Variants in SNTG2 observed in about 807,000 individuals in gnomAD.
The protein encoded by SNTG2 is gamma-2-syntrophin.
SNTG2 carries 74 observed loss-of-function variants against 70.9 expected under a neutral mutation model. That is an observed-to-expected ratio of 1.04 (90% CI 0.86 to 1.27). The LOEUF (loss-of-function observed/expected upper bound fraction) is 1.27, where lower values mean the gene tolerates loss of function less well. Among genes scored for constraint, SNTG2 ranks in the 50% most tolerant of loss-of-function variants. The pLI is 0.00. For missense variants in SNTG2, 717 were observed against 690.7 expected, an observed-to-expected ratio of 1.04 and a Z score of -0.43; for synonymous variants, 278 against 273.8, an observed-to-expected ratio of 1.02 and a Z score of -0.15.
intron 2 of SNTG2, 23 bp downstream of exon 2, chr2:1,083,678 A>C (rs1664496284): frequency 6.2e-7 from 1 of 1,612,916 alleles, no homozygotes; most frequent in Admixed American, 1.7e-5. Flanking sequence ...ACTTCAGGGA[A>C]GTCTTGGAGT....
chr2:1,285,324 T>G (rs1042511465), intron 14 of SNTG2, among the ~76,000 whole-genome samples: 9 of 152,174 alleles, frequency 5.9e-5, no homozygotes, highest in Non-Finnish European at 8.8e-5. Flanking sequence ...TTTTGCATCC[T>G]TCAATCCAAT....
intron 1 of SNTG2, among the ~76,000 whole-genome samples, chr2:1,068,873 A>T (rs745397551): frequency 6.6e-6 from 1 of 152,248 alleles, no homozygotes; most frequent in Non-Finnish European, 1.5e-5. Flanking sequence ...ATTCAGAGAA[A>T]TGTCACTTAT....
chr2:1,047,066 T>G (rs1277800751), intron 1 of SNTG2, among the ~76,000 whole-genome samples: 3 of 152,218 alleles, frequency 2.0e-5, no homozygotes, highest in Non-Finnish European at 4.4e-5. Context: ...TTTTCTTTAT[T>G]CTGGTCTAAC....
chr2:1,213,079 C>A (rs1381532255), intron 9 of SNTG2, among the ~76,000 whole-genome samples: 3 of 152,208 alleles, frequency 2.0e-5, no homozygotes, highest in African/African-American at 7.2e-5. Flanking sequence ...CCACTACCTT[C>A]TGGGTCCTTT....
intron 14 of SNTG2, among the ~76,000 whole-genome samples, chr2:1,270,665 A>G (rs957702303): frequency 1.4e-4 from 21 of 152,194 alleles, no homozygotes; most frequent in Admixed American, 1.1e-3. Flanking sequence ...AGGTGCCTAG[A>G]ACAGTCCCCG....
At chr2:1,165,180 T>C (rs1670623174) in intron 6 of SNTG2, among the ~76,000 whole-genome samples, 1 of 152,218 alleles carries the variant, frequency 6.6e-6, no homozygotes. Flanking sequence ...AGTTAATCCA[T>C]GTTTTGCCAG....
intron 1 of SNTG2, among the ~76,000 whole-genome samples, chr2:1,012,690 G>A (rs1659770130): frequency 8.5e-6 from 1 of 116,978 alleles, no homozygotes; most frequent in African/African-American, 2.9e-5. Flanking sequence ...GTCTGGAGAA[G>A]GATTTATATG....
rs201438117 is a variant in SNTG2 at position 1,209,123 on chromosome 2, G to A, written c.612G>A (p.Ser204=). 196 of 1,613,766 alleles carry A rather than the reference G, an allele frequency of 1.2e-4. No homozygotes were observed. The Middle Eastern group carries it at 3.5e-3, about 29-fold the overall frequency. Residue 204 remains serine, a synonymous_variant, in exon 9 of 17, where the codon TCG becomes TCA. Transcript: ENST00000308624. ...SSTTAPSSPS[S]PIAKDPRYEK... ...TACAGGCCCCATCGTCACCTTCCTC[G>A]CCCATAGCTAAGGACCCGAGGTATG... is the stretch of plus-strand genomic sequence containing the variant.
At position 950,928 on chromosome 2, in the gene SNTG2, G is replaced by GAGGCTCGGACGGGGTCCTGGC. The variant is rs1659931680; in HGVS notation, c.-68_-48dup. ...GACGCGGCGCCTGGCGGGGCCCTGG[G>GAGGCTCGGACGGGGTCCTGGC]AGGCTCGGACGGGGTCCTGGCGTTG... On this transcript the variant is annotated 5_prime_UTR_variant, in exon 1 of 17. Transcript: ENST00000308624. The GAGGCTCGGACGGGGTCCTGGC allele has an allele frequency of 1.2e-6, 1 of 806,642 alleles. No homozygotes were observed. Among genetic ancestry groups the GAGGCTCGGACGGGGTCCTGGC allele is most frequent in the Admixed American group, 4.7e-5 (1 of 21,220 alleles). The allele number at this position is 806,642 out of a possible 1,614,324, so 50.0% of individuals were successfully genotyped here. A position where few individuals can be genotyped will look rare whatever the true frequency, so the allele number is the denominator to read the frequency against.
chr2:1,194,014 G>C (rs930108898), intron 8 of SNTG2, among the ~76,000 whole-genome samples: 1 of 152,238 alleles, frequency 6.6e-6, no homozygotes, highest in African/African-American at 2.4e-5. Flanking sequence ...CCCAGGCCCA[G>C]AGTGGGCAGA....
At chr2:1,016,382 C>T (rs1050930216) in intron 1 of SNTG2, among the ~76,000 whole-genome samples, 2 of 152,208 alleles carry the variant, frequency 1.3e-5, no homozygotes, top group East Asian at 3.9e-4. Flanking sequence ...GCTGAGATTA[C>T]AGGCGCATGC....
intron 16 of SNTG2, among the ~76,000 whole-genome samples, chr2:1,320,124 G>A (rs1681452061): frequency 6.6e-6 from 1 of 152,112 alleles, no homozygotes; most frequent in African/African-American, 2.4e-5. Flanking sequence ...CTACCAGGAC[G>A]CTACCTTAGT....
chr2:1,273,493 A>C (rs902686213), intron 14 of SNTG2, among the ~76,000 whole-genome samples: 1 of 152,146 alleles, frequency 6.6e-6, no homozygotes, highest in Non-Finnish European at 1.5e-5. Context: ...CAAGACAAGC[A>C]CAGCCAAAAA....
intron 1 of SNTG2, chr2:1,068,416 A>G (rs901340821): frequency 6.6e-6 from 1 of 152,340 alleles, no homozygotes; most frequent in East Asian, 1.9e-4. Context: ...AGATGGTAAC[A>G]GTGGAATGGC....
chr2:1,105,394 A>T (rs4482521), intron 4 of SNTG2, among the ~76,000 whole-genome samples: 6 of 151,980 alleles, frequency 3.9e-5, no homozygotes, highest in Admixed American at 3.3e-4. Context: ...TTAGGTGCTT[A>T]GACATTTAAA....
Position 1,316,263 on chromosome 2 carries a change from A to C in SNTG2, c.1378-2A>C, listed in dbSNP as rs772640994. ...TCGCTAATTAATTTTATTCCTTTACAGAATGTGCTCTGGAGATTTAAATTT... is the reference window on the plus strand; with the variant it reads ...TCGCTAATTAATTTTATTCCTTTACCGAATGTGCTCTGGAGATTTAAATTT... On this transcript the variant is annotated splice_acceptor_variant, in intron 15 of 16. Transcript: ENST00000308624. LOFTEE classifies it high-confidence loss of function. 52 of 1,466,670 alleles carry C rather than the reference A, an allele frequency of 3.5e-5. 1 individual carries two copies. Among genetic ancestry groups the C allele is most frequent in the Non-Finnish European group, 4.6e-5 (49 of 1,075,172 alleles). The allele number at this position is 1,466,670 out of a possible 1,614,324, so 90.9% of individuals were successfully genotyped here.
chr2:1,093,128 G>T (rs374340841), intron 2 of SNTG2, among the ~76,000 whole-genome samples: 1 of 152,156 alleles, frequency 6.6e-6, no homozygotes, highest in East Asian at 1.9e-4. Flanking sequence ...ATGGGGGAAC[G>T]CATGGAATAG....
At chr2:1,182,868 TC>T (rs1285600769) in intron 8 of SNTG2, among the ~76,000 whole-genome samples, 2 of 152,150 alleles carry the variant, frequency 1.3e-5, no homozygotes, top group African/African-American at 4.8e-5. Flanking sequence ...TCCTCCCAAC[TC>T]AGCCTTCCCA....
intron 4 of SNTG2, among the ~76,000 whole-genome samples, chr2:1,135,215 G>A (rs1261219732): frequency 1.3e-5 from 2 of 152,152 alleles, no homozygotes; most frequent in African/African-American, 4.8e-5. Flanking sequence ...ATTCTTTTCT[G>A]GGAATTTGGT....
Sources: allele counts gnomAD v4.1 joint callset (sites outside exome capture counted in the v4.1 genomes callset), GRCh38; gene constraint gnomAD v4.1.1; transcripts MANE v1.5; gene names NCBI Gene and HGNC (gene_info 2026-07-23, HGNC 2026-07-21).